Variants in SAMD3 observed in about 807,000 individuals in gnomAD.
The protein encoded by SAMD3 is sterile alpha motif domain-containing protein 3.
A neutral mutation model predicts 58.5 loss-of-function variants in SAMD3; 63 were observed. The observed-to-expected ratio is 1.08, with a 90% CI of 0.88 to 1.33. SAMD3 has a LOEUF of 1.33. SAMD3 is among the 40% of genes most tolerant of loss of function. The pLI, the probability that SAMD3 is intolerant of heterozygous loss-of-function variation, is 0.00. For synonymous variants in SAMD3, 220 were observed against 210.3 expected (o/e 1.05, Z -0.40); for missense variants, 604 against 608.4 (o/e 0.99, Z 0.08).
chr6:130,292,437 C>T (rs1775402838), intron 2 of SAMD3, among the ~76,000 whole-genome samples: 1 of 150,892 alleles, frequency 6.6e-6, no homozygotes, highest in Non-Finnish European at 1.5e-5. Flanking sequence ...CAGACATGCG[C>T]CACCATGCCC....
chr6:130,334,120 A>T (rs3813365), intron 1 of SAMD3, among the ~76,000 whole-genome samples: 21,532 of 152,010 alleles, frequency 0.14, 1,817 homozygotes, highest in East Asian at 0.36. Context: ...CATAGGTTTT[A>T]AAAAAAACTA....
At chr6:130,288,258 G>A (rs9492527) in intron 2 of SAMD3, among the ~76,000 whole-genome samples, 20,663 of 152,154 alleles carry the variant, frequency 0.14, 3,908 homozygotes, top group African/African-American at 0.43. Context: ...TCTGAAATTC[G>A]TAGGGCAGGA....
intron 1 of SAMD3, among the ~76,000 whole-genome samples, chr6:130,219,282 ATG>A (rs1258259083): frequency 1.3e-5 from 2 of 152,194 alleles, no homozygotes; most frequent in East Asian, 3.8e-4. Flanking sequence ...TCTATACGTT[ATG>A]CTAAACGATA....
At chr6:130,219,781 T>C (rs1378010967) in intron 1 of SAMD3, among the ~76,000 whole-genome samples, 1 of 152,212 alleles carries the variant, frequency 6.6e-6, no homozygotes, top group African/African-American at 2.4e-5. Context: ...AGAATTGTGC[T>C]GAAACAGCCG....
chr6:130,305,087 A>C (rs1044793456), intron 2 of SAMD3, among the ~76,000 whole-genome samples: 1 of 151,978 alleles, frequency 6.6e-6, no homozygotes, highest in African/African-American at 2.4e-5. Flanking sequence ...CATGTGCATC[A>C]GCATGCCCTG....
At chr6:130,276,477 A>G (rs763492854) in intron 2 of SAMD3, among the ~76,000 whole-genome samples, 1 of 152,178 alleles carries the variant, frequency 6.6e-6, no homozygotes, top group East Asian at 1.9e-4. Flanking sequence ...TGGGTGGAAT[A>G]ATATGAGTCT....
chr6:130,221,138 G>A (rs996503831), intron 1 of SAMD3, among the ~76,000 whole-genome samples: 1 of 152,018 alleles, frequency 6.6e-6, no homozygotes, highest in Non-Finnish European at 1.5e-5. Context: ...ACAGGCATGA[G>A]CCACCACGCC....
intron 1 of SAMD3, among the ~76,000 whole-genome samples, chr6:130,218,804 T>TA (rs528806434): frequency 0.014 from 2,165 of 151,554 alleles, 20 homozygotes; most frequent in South Asian, 0.043. Flanking sequence ...GAACTCAAAG[T>TA]AAAAAAAACC....
At chr6:130,155,356 T>TA (rs1410901188) in intron 8 of SAMD3, among the ~76,000 whole-genome samples, 1 of 152,248 alleles carries the variant, frequency 6.6e-6, no homozygotes, top group Non-Finnish European at 1.5e-5. Context: ...TTTTAGAAGA[T>TA]AAAATGTTAA....
At chr6:130,336,999 C>T (rs567483684) in intron 1 of SAMD3, among the ~76,000 whole-genome samples, 46 of 152,308 alleles carry the variant, frequency 3.0e-4, no homozygotes, top group African/African-American at 1.1e-3. Context: ...ACCAGCCTGA[C>T]ACAAATGCAA....
intron 1 of SAMD3, among the ~76,000 whole-genome samples, chr6:130,313,521 T>C (rs1330627247): frequency 1.3e-5 from 2 of 152,212 alleles, no homozygotes; most frequent in African/African-American, 4.8e-5. Context: ...GTAAGCAATC[T>C]GGGAGACAAA....
chr6:130,164,408 C>T (rs1451368005), intron 8 of SAMD3, among the ~76,000 whole-genome samples: 1 of 152,138 alleles, frequency 6.6e-6, no homozygotes, highest in Non-Finnish European at 1.5e-5. Context: ...TCATATATTT[C>T]CCCACGCTAA....
chr6:130,164,920 TAC>T (rs1790591337), intron 8 of SAMD3, among the ~76,000 whole-genome samples: 1 of 152,120 alleles, frequency 6.6e-6, no homozygotes, highest in African/African-American at 2.4e-5. Context: ...CTGGGAGGGT[TAC>T]ATCAGGAAGA....
intron 2 of SAMD3, among the ~76,000 whole-genome samples, chr6:130,285,331 C>G (rs1264421955): frequency 1.3e-5 from 2 of 151,980 alleles, no homozygotes; most frequent in African/African-American, 2.4e-5. Flanking sequence ...AATTTAGAAC[C>G]CTGGGATTTC....
chr6:130,360,321 G>T (rs539388445), intron 1 of SAMD3, among the ~76,000 whole-genome samples: 3 of 152,322 alleles, frequency 2.0e-5, no homozygotes, highest in East Asian at 3.9e-4. Context: ...CAATAGTCAT[G>T]TAGGTCCTTT....
At chr6:130,224,999 T>C (rs1796349089), upstream of SAMD3, among the ~76,000 whole-genome samples, 1 of 152,062 alleles carries the variant, frequency 6.6e-6, no homozygotes, top group Non-Finnish European at 1.5e-5. Context: ...AATATGAGTC[T>C]GTGTGTCTGA....
chr6:130,192,607 G>T (rs574848244), intron 5 of SAMD3, among the ~76,000 whole-genome samples: 1 of 147,544 alleles, frequency 6.8e-6, no homozygotes, highest in African/African-American at 2.5e-5. Context: ...ATCTCCCTTC[G>T]CTGACTCTCT....
At chr6:130,224,908 A>T (rs532718820), upstream of SAMD3, among the ~76,000 whole-genome samples, 20 of 152,058 alleles carry the variant, frequency 1.3e-4, no homozygotes, top group Non-Finnish European at 2.6e-4. Flanking sequence ...ATGAGTCACC[A>T]CGCCCAGCCC....
rs754761639 is a variant in SAMD3, at chr6:130,154,962, C to T, written c.886G>A (p.Val296Met). The T allele has an allele frequency of 3.1e-6, 5 of 1,613,252 alleles. No homozygotes were observed. Among genetic ancestry groups the T allele is most frequent in the South Asian group, 1.1e-5 (1 of 91,054 alleles). Residue 296 changes from valine (V) to methionine (M), a missense_variant, in exon 9 of 12, where the codon GTG becomes ATG. Coordinates refer to ENST00000439090, the MANE Select transcript of SAMD3 (RefSeq NM_001017373.4). ...EHIKWFQQEY[V>M]KTEKDWREID... ...TCTCTCCAGTCCTTTTCTGTTTTCA[C>T]GTATTCTTGCTGGAACCACTTAATA... is the stretch of plus-strand genomic sequence containing the variant.
Sources: allele counts gnomAD v4.1 joint callset (sites outside exome capture counted in the v4.1 genomes callset), GRCh38; gene constraint gnomAD v4.1.1; transcripts MANE v1.5; gene names NCBI Gene and HGNC (gene_info 2026-07-23, HGNC 2026-07-21).